The following TRHDE variants were observed in gnomAD, a reference collection of about 807,000 sequenced individuals.
TRHDE encodes thyrotropin-releasing hormone-degrading ectoenzyme.
Under a neutral mutation model 125.7 loss-of-function variants are expected in TRHDE, and 72 were observed. That is an observed-to-expected ratio of 0.57 (90% CI 0.47 to 0.70). TRHDE has a LOEUF of 0.70. Among genes scored for constraint, TRHDE ranks in the 30% least tolerant of loss-of-function variants. The pLI is 0.00. For synonymous variants in TRHDE, 509 were observed against 509.1 expected (o/e 1.00, Z 0.00); for missense variants, 1,110 against 1,327.1 (o/e 0.84, Z 2.54).
intron 10 of TRHDE, among the ~76,000 whole-genome samples, chr12:72,573,781 C>A (rs1022817864): frequency 3.3e-5 from 5 of 151,818 alleles, no homozygotes; most frequent in African/African-American, 1.2e-4. Flanking sequence ...CATCTTGTAT[C>A]AATAGAATAT....
At chr12:72,221,209 C>A (rs879810891) in intron 2 of TRHDE, among the ~76,000 whole-genome samples, 2 of 151,850 alleles carry the variant, frequency 1.3e-5, no homozygotes, top group African/African-American at 2.4e-5. Context: ...TGTGTGTATG[C>A]GTTTTTGGGG....
intron 2 of TRHDE, among the ~76,000 whole-genome samples, chr12:72,113,359 T>C (rs1407154407): frequency 6.7e-6 from 1 of 150,270 alleles, no homozygotes; most frequent in African/African-American, 2.4e-5. Flanking sequence ...GTGCAGTGGC[T>C]CACACCTATA....
intron 1 of TRHDE, among the ~76,000 whole-genome samples, chr12:72,105,278 G>T (rs1158213597): frequency 6.6e-6 from 1 of 152,118 alleles, no homozygotes; most frequent in Non-Finnish European, 1.5e-5. Context: ...TGGTTGGGGA[G>T]GTGGGACTGG....
chr12:72,553,849 CT>C (rs56187409), intron 7 of TRHDE, among the ~76,000 whole-genome samples: 8,427 of 133,604 alleles, frequency 0.063, 213 homozygotes, highest in Admixed American at 0.15. Context: ...TCTTTTCCTT[CT>C]TTTTTTTTTT....
rs560247261 is a variant in TRHDE, at chr12:72,295,343, A to G, written c.1188+8389A>G. Among the ~76,000 whole-genome samples the G allele has an allele frequency of 4.7e-4, 71 of 152,196 alleles. 1 individual carries two copies. The highest frequency in any genetic ancestry group is 1.6e-3 in the African/African-American group (66 of 41,538). ...GGGCAGCCCTGGCCGCGCCTCCCTG[A>G]TGCAGCCAGTGTGATGGCAGCAGCT... On this transcript the variant is annotated intron_variant, in intron 2 of 18. Coordinates refer to ENST00000261180, the MANE Select transcript of TRHDE (RefSeq NM_013381.3).
At chr12:72,659,016 T>G (rs539198324) in intron 18 of TRHDE, among the ~76,000 whole-genome samples, 1 of 152,334 alleles carries the variant, frequency 6.6e-6, no homozygotes, top group South Asian at 2.1e-4. Flanking sequence ...CCATAACCCA[T>G]AAGCCTCATA....
chr12:72,536,632 A>C (rs974102782), intron 6 of TRHDE, among the ~76,000 whole-genome samples: 2 of 152,058 alleles, frequency 1.3e-5, no homozygotes, highest in African/African-American at 4.8e-5. Flanking sequence ...GCAGAGGGGC[A>C]GCAGTGGGAA....
At chr12:72,418,360 A>G (rs1267996853) in intron 3 of TRHDE, among the ~76,000 whole-genome samples, 1 of 152,128 alleles carries the variant, frequency 6.6e-6, no homozygotes, top group Non-Finnish European at 1.5e-5. Context: ...AGATACATGC[A>G]TATTTAAAAT....
At chr12:72,558,877 T>A (rs1346200772) in intron 7 of TRHDE, among the ~76,000 whole-genome samples, 1 of 151,980 alleles carries the variant, frequency 6.6e-6, no homozygotes, top group African/African-American at 2.4e-5. Context: ...GACTCAGTTA[T>A]CTATGTGGCT....
chr12:72,443,217 T>C (rs1022107019), intron 3 of TRHDE, among the ~76,000 whole-genome samples: 4 of 151,558 alleles, frequency 2.6e-5, no homozygotes, highest in Non-Finnish European at 5.9e-5. Context: ...TGTGTGTGTG[T>C]GTGTGTGTGT....
intron 2 of TRHDE, among the ~76,000 whole-genome samples, chr12:72,179,515 C>T (rs928627629): frequency 6.6e-6 from 1 of 151,996 alleles, no homozygotes; most frequent in African/African-American, 2.4e-5. Context: ...TTTGCTAATG[C>T]TTTTTGCTTT....
chr12:72,215,768 G>T (rs1359487139), intron 2 of TRHDE, among the ~76,000 whole-genome samples: 2 of 152,158 alleles, frequency 1.3e-5, no homozygotes, highest in African/African-American at 4.8e-5. Flanking sequence ...CTGGATGGCG[G>T]CAGTGACACC....
chr12:72,599,719 A>C (rs1872130440), intron 12 of TRHDE, among the ~76,000 whole-genome samples: 1 of 152,128 alleles, frequency 6.6e-6, no homozygotes, highest in Non-Finnish European at 1.5e-5. Context: ...CTTTAGTTTA[A>C]TAAGGTTTCA....
At chr12:72,297,862 T>C (rs1174881345) in intron 2 of TRHDE, among the ~76,000 whole-genome samples, 1 of 152,202 alleles carries the variant, frequency 6.6e-6, no homozygotes, top group African/African-American at 2.4e-5. Flanking sequence ...GCAGACGGAA[T>C]GGTAGACTGG....
chr12:72,418,294 A>G (rs1873812862), intron 3 of TRHDE, among the ~76,000 whole-genome samples: 1 of 152,102 alleles, frequency 6.6e-6, no homozygotes, highest in African/African-American at 2.4e-5. Flanking sequence ...ATTAATGTTA[A>G]GTTTAAGGAT....
intron 2 of TRHDE, among the ~76,000 whole-genome samples, chr12:72,173,044 T>A (rs1876911263): frequency 6.6e-6 from 1 of 152,222 alleles, no homozygotes; most frequent in Admixed American, 6.5e-5. Flanking sequence ...ATTTTTATTC[T>A]TGTATTTATG....
intron 5 of TRHDE, among the ~76,000 whole-genome samples, chr12:72,473,721 A>G (rs894333125): frequency 1.3e-5 from 2 of 152,078 alleles, no homozygotes; most frequent in Admixed American, 6.6e-5. Flanking sequence ...TTTGTGCCTT[A>G]AGCTGTGCTG....
intron 15 of TRHDE, among the ~76,000 whole-genome samples, chr12:72,640,386 T>C (rs1003458143): frequency 1.3e-5 from 2 of 152,238 alleles, no homozygotes; most frequent in Admixed American, 6.5e-5. Context: ...GTGCACCCAC[T>C]GACCTGCGCC....
chr12:72,563,660 AT>A (rs1165127869), intron 9 of TRHDE, among the ~76,000 whole-genome samples: 1 of 152,034 alleles, frequency 6.6e-6, no homozygotes, highest in African/African-American at 2.4e-5. Context: ...AGCAAATAGC[AT>A]TTTTCTTTCT....
Sources: gnomAD v4.1 joint callset for allele counts (sites outside exome capture counted in the v4.1 genomes callset) on GRCh38, gnomAD v4.1.1 for gene constraint, MANE v1.5 for transcripts, NCBI Gene and HGNC (gene_info 2026-07-23, HGNC 2026-07-21) for gene names.